Variants in FGGY observed in about 807,000 individuals in gnomAD.
The protein encoded by FGGY is FGGY carbohydrate kinase domain containing, also known as FGGY carbohydrate kinase domain-containing protein.
FGGY carries 72 observed loss-of-function variants against 71.3 expected under a neutral mutation model. The observed-to-expected ratio is 1.01, with a 90% confidence interval of 0.84 to 1.23. The LOEUF is 1.23. Ranked by LOEUF, FGGY falls within the 50% of genes most tolerant of loss-of-function variation. The probability of loss-of-function intolerance (pLI) is 0.00; values close to 1 mark genes in which losing one functional copy is unlikely to be tolerated. For synonymous variants in FGGY, 251 were observed against 250.3 expected (o/e 1.00, Z -0.02); for missense variants, 668 against 682.3 (o/e 0.98, Z 0.23).
intron 6 of FGGY, among the ~76,000 whole-genome samples, chr1:59,490,825 G>C (rs2093807827): frequency 6.6e-6 from 1 of 152,006 alleles, no homozygotes; most frequent in African/African-American, 2.4e-5. Context: ...TCAAAAATCA[G>C]TTGGCTGTAG....
rs1255164719 is a variant in FGGY, at chr1:59,321,649, T to C, written c.100T>C (p.Leu34=). The C allele has an allele frequency of 6.2e-7, 1 of 1,613,668 alleles. No individual in the cohort carries two copies. The change falls in exon 2 of 16, where the codon TTG becomes CTG. Residue 34 remains leucine, a synonymous_variant. Coordinates refer to ENST00000303721, the MANE Select transcript of FGGY (RefSeq NM_018291.5). ...TCTGGTGGACCAGAGTGGGGTCCTGTTGGCTTTTGCAGACCAGCCAATTAA... is the reference window on the plus strand; with the variant it reads ...TCTGGTGGACCAGAGTGGGGTCCTGCTGGCTTTTGCAGACCAGCCAATTAA... ...AALVDQSGVL[L]AFADQPIKNW... is the part of the protein sequence containing the mutation.
chr1:59,456,375 T>C (rs1338736306), intron 5 of FGGY, among the ~76,000 whole-genome samples: 1 of 152,166 alleles, frequency 6.6e-6, no homozygotes, highest in Non-Finnish European at 1.5e-5. Context: ...ACAAATGTCA[T>C]GTAAACGTAG....
At chr1:59,573,240 A>G (rs2096017102) in intron 8 of FGGY, among the ~76,000 whole-genome samples, 2 of 152,208 alleles carry the variant, frequency 1.3e-5, no homozygotes, top group Non-Finnish European at 2.9e-5. Flanking sequence ...TTTAGTGGAT[A>G]ATAGATGACA....
intron 2 of FGGY, among the ~76,000 whole-genome samples, chr1:59,331,288 A>G (rs565120683): frequency 1.2e-4 from 18 of 152,294 alleles, no homozygotes; most frequent in South Asian, 8.3e-4. Context: ...AAATGGCAAT[A>G]CCATACCTAA....
At chr1:59,306,240 G>A (rs2043419181) in intron 1 of FGGY, among the ~76,000 whole-genome samples, 1 of 152,144 alleles carries the variant, frequency 6.6e-6, no homozygotes, top group African/African-American at 2.4e-5. Context: ...ATAAATAAGG[G>A]ACTATCTAAA....
intron 10 of FGGY, among the ~76,000 whole-genome samples, chr1:59,635,473 CA>C (rs1338519147): frequency 6.6e-6 from 1 of 150,914 alleles, no homozygotes. Flanking sequence ...CTTATTGACC[CA>C]GATGTCTGAA....
intron 5 of FGGY, among the ~76,000 whole-genome samples, chr1:59,385,686 G>T (rs1437087949): frequency 6.6e-6 from 1 of 151,920 alleles, no homozygotes; most frequent in African/African-American, 2.4e-5. Flanking sequence ...AATAATATAA[G>T]AAAAAGTCGT....
intron 8 of FGGY, among the ~76,000 whole-genome samples, chr1:59,586,979 A>G (rs933018156): frequency 6.6e-6 from 1 of 152,240 alleles, no homozygotes. Context: ...CACGAGCTGA[A>G]GCAGGGCAAG....
At chr1:59,548,525 G>C (rs1224824718) in intron 7 of FGGY, among the ~76,000 whole-genome samples, 3 of 152,134 alleles carry the variant, frequency 2.0e-5, no homozygotes, top group Admixed American at 6.5e-5. Flanking sequence ...GGATGAAAGA[G>C]GGATTCAAGT....
chr1:59,436,355 A>G (rs928231449), intron 5 of FGGY, among the ~76,000 whole-genome samples: 2 of 150,436 alleles, frequency 1.3e-5, no homozygotes, highest in South Asian at 2.1e-4. Context: ...CCCCCCGCAA[A>G]CTTCTTCCAA....
intron 5 of FGGY, among the ~76,000 whole-genome samples, chr1:59,385,824 C>G (rs1205131114): frequency 2.6e-5 from 4 of 152,070 alleles, no homozygotes; most frequent in African/African-American, 9.6e-5. Flanking sequence ...TTCCTAGTGG[C>G]CAAAGCAAAG....
At chr1:59,475,297 A>G (rs2093207083) in intron 6 of FGGY, among the ~76,000 whole-genome samples, 1 of 152,212 alleles carries the variant, frequency 6.6e-6, no homozygotes, top group South Asian at 2.1e-4. Flanking sequence ...GTTTTCCTGA[A>G]TTCGTCAGGT....
chr1:59,592,024 T>G (rs1054396007), intron 8 of FGGY, among the ~76,000 whole-genome samples: 52 of 152,096 alleles, frequency 3.4e-4, no homozygotes, highest in Non-Finnish European at 6.0e-4. Context: ...GGGTGAAAAT[T>G]TTCGCAACCT....
chr1:59,421,401 T>A (rs1051287456), intron 5 of FGGY, among the ~76,000 whole-genome samples: 26 of 152,026 alleles, frequency 1.7e-4, no homozygotes, highest in Non-Finnish European at 3.7e-4. Flanking sequence ...TACAGAAAAA[T>A]TTTTTAAAAG....
chr1:59,580,345 T>C (rs2096168692), intron 8 of FGGY, among the ~76,000 whole-genome samples: 1 of 152,134 alleles, frequency 6.6e-6, no homozygotes, highest in South Asian at 2.1e-4. Context: ...CTTTAGCCTT[T>C]CCACATGCTG....
At chr1:59,331,909 G>A (rs531992249) in intron 2 of FGGY, 1 of 152,370 alleles carries the variant, frequency 6.6e-6, no homozygotes, top group East Asian at 1.9e-4. Context: ...GCTGACAAAG[G>A]CATTCAAATC....
intron 14 of FGGY, among the ~76,000 whole-genome samples, chr1:59,741,387 C>T (rs1045747925): frequency 7.2e-5 from 11 of 152,178 alleles, no homozygotes; most frequent in Admixed American, 2.6e-4. Context: ...TCCACTTCCT[C>T]CCGCTCCAGC....
In FGGY at chr1:59,445,959, TA is replaced by T. The variant is rs1415846955; in HGVS notation, c.555-11000del. Among the ~76,000 whole-genome samples the T allele has an allele frequency of 5.9e-5, 9 of 152,346 alleles. No homozygotes were observed. In the East Asian group the frequency reaches 1.7e-3, roughly 29 times the overall value. The stretch of plus-strand genomic sequence containing the variant: ...CCTAATGATACAACCTCCAATGACT[TA>T]ACTTCTGAGCCTCAGTATTCTCTTC... On this transcript the variant is annotated intron_variant, in intron 5 of 15. Transcript: ENST00000303721.
chr1:59,615,833 G>A (rs185823216), intron 9 of FGGY, among the ~76,000 whole-genome samples: 33 of 152,134 alleles, frequency 2.2e-4, no homozygotes, highest in African/African-American at 6.0e-4. Context: ...GCAAGTGGGC[G>A]AAAGATATGA....
Sources: gnomAD v4.1 joint callset for allele counts (sites outside exome capture counted in the v4.1 genomes callset) on GRCh38, gnomAD v4.1.1 for gene constraint, MANE v1.5 for transcripts, NCBI Gene and HGNC (gene_info 2026-07-23, HGNC 2026-07-21) for gene names.